The following CCDC187 variants were observed in gnomAD, a reference collection of about 807,000 sequenced individuals.
CCDC187 encodes coiled-coil domain containing 187.
Under a neutral mutation model 38.0 loss-of-function variants are expected in CCDC187, and 32 were observed. The ratio of observed to expected loss-of-function variants is 0.84; its 90% CI spans 0.64 to 1.13. The LOEUF (loss-of-function observed/expected upper bound fraction) is 1.13, where lower values mean the gene tolerates loss of function less well. Ranked by LOEUF, CCDC187 falls within the 50% of genes most tolerant of loss-of-function variation. The pLI, the probability that CCDC187 is intolerant of heterozygous loss-of-function variation, is 0.00. For missense variants in CCDC187, 707 were observed against 786.8 expected (o/e 0.90, Z 1.21); for synonymous variants, 333 against 347.9 (o/e 0.96, Z 0.48).
Position 136,250,973 on chromosome 9 carries a change from G to A in CCDC187, c.*2621C>T, listed in dbSNP as rs889229486. On this transcript the variant is annotated 3_prime_UTR_variant, in exon 26 of 26. Transcript: ENST00000638797. Reference sequence around the variant, plus strand: ...TGGGGTAGAGGGCCTTGGCAGCTCCGTGTGTCCTGTGACCTGGCATCTTAG... The same window carrying A: ...TGGGGTAGAGGGCCTTGGCAGCTCCATGTGTCCTGTGACCTGGCATCTTAG... 19 of 455,880 alleles carry A rather than the reference G, an allele frequency of 4.2e-5. No homozygotes were observed. The highest frequency in any genetic ancestry group is 2.8e-4 in the African/African-American group (14 of 50,096). The allele number at this position is 455,880 out of a possible 1,614,324, so 28.2% of individuals were successfully genotyped here. A position where few individuals can be genotyped will look rare whatever the true frequency, so the allele number is the denominator to read the frequency against.
rs563551308 is a variant in CCDC187 at position 136,254,593 on chromosome 9, G to A, written c.5235C>T (p.Ile1745=). The change falls in exon 26 of 26, where the codon ATC becomes ATT. Residue 1745 remains isoleucine, a synonymous_variant. Coordinates refer to ENST00000638797, the MANE Select transcript of CCDC187 (RefSeq NM_001378188.1). ...KAGWLLPFPD[I]PSPRSGSELS... ...GCTCTGACCCTGACCTTGGAGAGGGGATGTCTGGGAAAGGCAGTAGCCAGC... is the reference window on the plus strand; with the variant it reads ...GCTCTGACCCTGACCTTGGAGAGGGAATGTCTGGGAAAGGCAGTAGCCAGC... 7 of 985,540 alleles carry A rather than the reference G, an allele frequency of 7.1e-6. No homozygotes were observed. In the East Asian group the frequency reaches 6.8e-4, roughly 96 times the overall value. The allele number at this position is 985,540 out of a possible 1,614,324, so 61.0% of individuals were successfully genotyped here.
In CCDC187 at chr9:136,297,782, C is replaced by A; in HGVS notation, c.764G>T (p.Cys255Phe). ...CAACTTGGGGGTCTTCTCTCTTTTGCAAGAACTGCTTTTGACCCTTTTGGG... is the reference window on the plus strand; with the variant it reads ...CAACTTGGGGGTCTTCTCTCTTTTGAAAGAACTGCTTTTGACCCTTTTGGG... Reference protein sequence around the residue: ...EKPKRVKSSSCKREKTPKLPS... With the variant: ...EKPKRVKSSSFKREKTPKLPS... Residue 255 changes from cysteine (C) to phenylalanine (F), a missense_variant, in exon 4 of 26, where the codon TGC (cysteine) becomes TTC (phenylalanine). Cys to Phe is a radical substitution (Grantham distance 205). Transcript: ENST00000638797. The A allele has an allele frequency of 3.0e-6, 1 of 329,146 alleles. No homozygotes were observed. Among genetic ancestry groups the A allele is most frequent in the Non-Finnish European group, 5.5e-6 (1 of 181,892 alleles). 20.4% of individuals were successfully genotyped at this position (329,146 alleles called of 1,614,324 possible).
intron 9 of CCDC187, among the ~76,000 whole-genome samples, chr9:136,284,822 G>A (rs948252196): frequency 6.6e-6 from 1 of 152,092 alleles, no homozygotes; most frequent in Non-Finnish European, 1.5e-5. Flanking sequence ...TTAGGTGCTC[G>A]GGAGGGAGCG....
chr9:136,273,593 A>G (rs547004905), intron 14 of CCDC187, among the ~76,000 whole-genome samples: 11 of 152,324 alleles, frequency 7.2e-5, no homozygotes, highest in African/African-American at 2.6e-4. Flanking sequence ...TCTCTTATTC[A>G]TCGATAGGAA....
intron 9 of CCDC187, among the ~76,000 whole-genome samples, chr9:136,283,390 C>T (rs1831092687): frequency 1.3e-5 from 2 of 152,246 alleles, no homozygotes; most frequent in Admixed American, 1.3e-4. Flanking sequence ...AGCCCTGAAG[C>T]TCCAGCCCCT....
At chr9:136,271,721 C>T (rs1554762441) in intron 14 of CCDC187, among the ~76,000 whole-genome samples, 1 of 150,582 alleles carries the variant, frequency 6.6e-6, no homozygotes, top group Non-Finnish European at 1.5e-5. Context: ...CATTCTCCTG[C>T]CTCAGCCTCC....
chr9:136,296,830 A>T, intron 4 of CCDC187, among the ~76,000 whole-genome samples: 1 of 152,260 alleles, frequency 6.6e-6, no homozygotes, highest in East Asian at 1.9e-4. Context: ...ACTGGGATCC[A>T]CCCACAGGAT....
chr9:136,270,666 A>G (rs1407900576), intron 14 of CCDC187, among the ~76,000 whole-genome samples: 1 of 152,198 alleles, frequency 6.6e-6, no homozygotes, highest in Non-Finnish European at 1.5e-5. Context: ...ACCTCCCACA[A>G]GAAGCTGGTG....
In CCDC187 at chr9:136,291,506, C is replaced by G. The variant is rs977738583; in HGVS notation, c.1107G>C (p.Gln369His). 3,222 of 398,676 alleles carry G rather than the reference C, an allele frequency of 8.1e-3. 94 individuals carry two copies. The highest frequency in any genetic ancestry group is 0.057 in the African/African-American group (2,772 of 48,732). 24.7% of individuals were successfully genotyped at this position (398,676 alleles called of 1,614,324 possible). Residue 369 changes from glutamine to histidine, a missense_variant, in exon 6 of 26, where the codon CAG (glutamine) becomes CAC (histidine). Gln to His is a conservative substitution (Grantham distance 24). Coordinates refer to ENST00000638797, the MANE Select transcript of CCDC187 (RefSeq NM_001378188.1). Reference protein sequence around the residue: ...LASFDQPATIQTAMAILQDLR... With the variant: ...LASFDQPATIHTAMAILQDLR... ...GGTCTTGTAGGATGGCCATGGCCGTCTGTATGGTCGCTGGCTGGTCGAAGG... is the reference window on the plus strand; with the variant it reads ...GGTCTTGTAGGATGGCCATGGCCGTGTGTATGGTCGCTGGCTGGTCGAAGG...
chr9:136,272,468 C>T (rs766058749), intron 14 of CCDC187, among the ~76,000 whole-genome samples: 1 of 151,940 alleles, frequency 6.6e-6, no homozygotes, highest in East Asian at 1.9e-4. Context: ...TTTGGGAGAT[C>T]GAGGCAGGTG....
chr9:136,259,832 C>T (rs897473618), intron 20 of CCDC187, among the ~76,000 whole-genome samples: 1 of 152,204 alleles, frequency 6.6e-6, no homozygotes, highest in Non-Finnish European at 1.5e-5. Context: ...AGGAGCCCTT[C>T]CCAGACAGAA....
At chr9:136,296,318 G>C (rs1469011573) in intron 4 of CCDC187, 2 of 152,370 alleles carry the variant, frequency 1.3e-5, no homozygotes, top group African/African-American at 4.8e-5. Context: ...CCACCTGGGG[G>C]CTCTTGCTGG....
At chr9:136,275,442 CCACACA>C (rs1232670103) in intron 12 of CCDC187, among the ~76,000 whole-genome samples, 10,404 of 151,766 alleles carry the variant, frequency 0.069, 552 homozygotes, top group Non-Finnish European at 0.094. Context: ...ATGTGTACTC[CCACACA>C]CACACACGTG....
In CCDC187 at chr9:136,252,413, GCCGCCCACC is replaced by G. The variant is rs1830558782; in HGVS notation, c.*1172_*1180del. On this transcript the variant is annotated 3_prime_UTR_variant, in exon 26 of 26. Transcript: ENST00000638797. ...TCCAGGCAACCGTCCCGCACAGCCG[GCCGCCCACC>G]CTGTCCACCGGGGGAAGGTCCAGGC... 5.1e-4 allele frequency: 100 copies of G among 196,402 alleles called. No homozygotes were observed. Among genetic ancestry groups the G allele is most frequent in the African/African-American group, 2.1e-3 (84 of 40,120 alleles). 12.2% of individuals were successfully genotyped at this position (196,402 alleles called of 1,614,324 possible). A position where few individuals can be genotyped will look rare whatever the true frequency, so the allele number is the denominator to read the frequency against.
chr9:136,280,910 C>G (rs1831026284), intron 10 of CCDC187: 1 of 152,514 alleles, frequency 6.6e-6, no homozygotes, highest in African/African-American at 2.4e-5. Context: ...CTCCCACCAT[C>G]TCTCCCCCAG....
intron 9 of CCDC187, among the ~76,000 whole-genome samples, chr9:136,282,560 C>T (rs1254394710): frequency 6.6e-6 from 1 of 152,206 alleles, no homozygotes; most frequent in East Asian, 1.9e-4. Flanking sequence ...TTATCAGGGC[C>T]CCCATCTGTG....
At chr9:136,296,825 G>A (rs2131344942) in intron 4 of CCDC187, among the ~76,000 whole-genome samples, 1 of 152,288 alleles carries the variant, frequency 6.6e-6, no homozygotes, top group Admixed American at 6.5e-5. Context: ...TGACCACTGG[G>A]ATCCACCCAC....
intron 14 of CCDC187, among the ~76,000 whole-genome samples, chr9:136,270,426 G>A (rs964179780): frequency 6.6e-6 from 1 of 152,190 alleles, no homozygotes; most frequent in East Asian, 1.9e-4. Flanking sequence ...TTAGGTAGCC[G>A]AAGCAGAGAG....
chr9:136,294,896 C>T (rs1261008181), intron 4 of CCDC187, among the ~76,000 whole-genome samples: 2 of 152,244 alleles, frequency 1.3e-5, no homozygotes, highest in Non-Finnish European at 2.9e-5. Flanking sequence ...GGCGTGGTCT[C>T]AGGATTCTCA....
Sources: gnomAD v4.1 joint callset for allele counts (sites outside exome capture counted in the v4.1 genomes callset) on GRCh38, gnomAD v4.1.1 for gene constraint, MANE v1.5 for transcripts, NCBI Gene and HGNC (gene_info 2026-07-23, HGNC 2026-07-21) for gene names.